TMCC1: variants seen among roughly 807,000 people sequenced by gnomAD.
The protein encoded by TMCC1 is transmembrane and coiled-coil domain family 1, also known as transmembrane and coiled-coil domains protein 1.
In TMCC1, 15 loss-of-function variants were observed where a neutral mutation model predicts 52.4. The observed-to-expected ratio is 0.29, with a 90% CI of 0.19 to 0.44. TMCC1 has a LOEUF of 0.44. Among genes scored for constraint, TMCC1 ranks in the 20% least tolerant of loss-of-function variants. The pLI is 1.00. For missense variants in TMCC1, 503 were observed against 806.0 expected (o/e 0.62, Z 4.55); for synonymous variants, 279 against 301.9 (o/e 0.92, Z 0.79).
At position 129,851,606 on chromosome 3, in the gene TMCC1, G is replaced by A. The variant is rs73206269; in HGVS notation, c.-183-18780C>T. Among the ~76,000 whole-genome samples, 158 of 152,308 alleles carry A rather than the reference G, an allele frequency of 1.0e-3. 1 individual carries two copies. The highest frequency in any genetic ancestry group is 2.0e-3 in the Non-Finnish European group (138 of 68,022). Reference sequence around the variant, plus strand: ...GAAAGTTTAGTGTTGGTAATGATGTGCAGAAATTGGAATCTTTGTGCATTG... The same window carrying A: ...GAAAGTTTAGTGTTGGTAATGATGTACAGAAATTGGAATCTTTGTGCATTG... On this transcript the variant is annotated intron_variant, in intron 2 of 6. Transcript: ENST00000393238.
intron 1 of TMCC1, among the ~76,000 whole-genome samples, chr3:129,883,609 G>A (rs887757860): frequency 2.0e-5 from 3 of 152,220 alleles, no homozygotes; most frequent in African/African-American, 7.2e-5. Context: ...GCGAGACGCT[G>A]TCTCAAAAAC....
intron 5 of TMCC1, among the ~76,000 whole-genome samples, chr3:129,659,886 T>C (rs771399434): frequency 6.6e-6 from 1 of 152,134 alleles, no homozygotes; most frequent in Non-Finnish European, 1.5e-5. Flanking sequence ...TCATCCTCTA[T>C]AAAGAGGAAA....
At chr3:129,781,655 T>C (rs1227613594) in intron 4 of TMCC1, among the ~76,000 whole-genome samples, 2 of 152,050 alleles carry the variant, frequency 1.3e-5, no homozygotes, top group Non-Finnish European at 2.9e-5. Context: ...AAATAGAATA[T>C]GATGTCAAAG....
At chr3:129,807,163 T>C (rs1173889003) in intron 4 of TMCC1, among the ~76,000 whole-genome samples, 3 of 152,168 alleles carry the variant, frequency 2.0e-5, no homozygotes, top group Admixed American at 2.0e-4. Flanking sequence ...ACATTTGTAG[T>C]AATTCTTCTT....
At chr3:129,768,458 C>G (rs2054298262) in intron 4 of TMCC1, among the ~76,000 whole-genome samples, 4 of 152,148 alleles carry the variant, frequency 2.6e-5, no homozygotes, top group Admixed American at 2.6e-4. Context: ...ATTTAAGCAA[C>G]TAGATCTAAG....
At chr3:129,760,488 GTGTGTGTT>G (rs1368299547) in intron 4 of TMCC1, among the ~76,000 whole-genome samples, 16 of 144,646 alleles carry the variant, frequency 1.1e-4, no homozygotes, top group African/African-American at 1.5e-4. Context: ...GTGTGTGTGT[GTGTGTGTT>G]TTTGAGACAG....
At chr3:129,779,118 A>C (rs1362011708) in intron 4 of TMCC1, among the ~76,000 whole-genome samples, 1 of 152,136 alleles carries the variant, frequency 6.6e-6, no homozygotes, top group Non-Finnish European at 1.5e-5. Context: ...TACAGTATAC[A>C]GAGACTTCCT....
chr3:129,724,240 G>C (rs546633936), intron 4 of TMCC1, among the ~76,000 whole-genome samples: 1 of 152,286 alleles, frequency 6.6e-6, no homozygotes, highest in East Asian at 1.9e-4. Context: ...TGTCACATGA[G>C]ATAATCTTCA....
intron 4 of TMCC1, among the ~76,000 whole-genome samples, chr3:129,681,033 T>C (rs2088929829): frequency 6.6e-6 from 1 of 152,154 alleles, no homozygotes; most frequent in Non-Finnish European, 1.5e-5. Flanking sequence ...GATATGATGA[T>C]GGTAGTGATA....
At chr3:129,847,228 G>A (rs1050213686) in intron 2 of TMCC1, 1 of 152,148 alleles carries the variant, frequency 6.6e-6, no homozygotes, top group Non-Finnish European at 1.5e-5. Context: ...ATGTGACTAC[G>A]GAATAAGAGT....
intron 4 of TMCC1, among the ~76,000 whole-genome samples, chr3:129,770,429 T>C (rs535292076): frequency 2.6e-5 from 4 of 152,158 alleles, no homozygotes; most frequent in East Asian, 1.9e-4. Flanking sequence ...GATAGGAAGA[T>C]TGCTTGAGCC....
intron 2 of TMCC1, chr3:129,866,957 T>C (rs2060678120): frequency 6.6e-6 from 1 of 152,306 alleles, no homozygotes; most frequent in South Asian, 2.1e-4. Flanking sequence ...ATCAACAATA[T>C]TTTTATAAAT....
In TMCC1 at chr3:129,651,912, G is replaced by C. The variant is rs2310918; in HGVS notation, c.1648-117C>G. 1 of 886,312 alleles carries C rather than the reference G, an allele frequency of 1.1e-6. No homozygotes were observed. The highest frequency in any genetic ancestry group is 2.1e-5 in the African/African-American group (1 of 48,556). The allele number at this position is 886,312 out of a possible 1,614,324, so 54.9% of individuals were successfully genotyped here. Reference sequence around the variant, plus strand: ...GCAATGCCAATGATTTTATAAATATGCTGGAGCCTTGAATGAATGTAAAAG... The same window carrying C: ...GCAATGCCAATGATTTTATAAATATCCTGGAGCCTTGAATGAATGTAAAAG... On this transcript the variant is annotated intron_variant, in intron 6 of 6. Coordinates refer to ENST00000393238, the MANE Select transcript of TMCC1 (RefSeq NM_001017395.5). The surrounding 1 kb of genome is among the most constrained non-coding windows in gnomAD (Gnocchi z 5.1).
intron 4 of TMCC1, among the ~76,000 whole-genome samples, chr3:129,758,967 G>C (rs11713470): frequency 6.6e-5 from 10 of 152,248 alleles, no homozygotes; most frequent in Non-Finnish European, 1.3e-4. Flanking sequence ...CTATATTGCA[G>C]TATGTATGTA....
intron 4 of TMCC1, among the ~76,000 whole-genome samples, chr3:129,690,998 G>C (rs2046992343): frequency 6.6e-6 from 1 of 152,178 alleles, no homozygotes; most frequent in African/African-American, 2.4e-5. Flanking sequence ...CTAAGTGGCA[G>C]TAGGACTTTA....
chr3:129,850,528 A>G (rs554414085), intron 2 of TMCC1, among the ~76,000 whole-genome samples: 5 of 152,200 alleles, frequency 3.3e-5, no homozygotes, highest in Non-Finnish European at 7.3e-5. Flanking sequence ...TGAATTTACA[A>G]CCTGTTCAAC....
At chr3:129,800,807 C>T (rs2057139399) in intron 4 of TMCC1, among the ~76,000 whole-genome samples, 1 of 151,954 alleles carries the variant, frequency 6.6e-6, no homozygotes, top group African/African-American at 2.4e-5. Context: ...GCCTACTAAA[C>T]ATCAGACATG....
chr3:129,739,587 CTT>C (rs2051277289), intron 4 of TMCC1, among the ~76,000 whole-genome samples: 1 of 152,174 alleles, frequency 6.6e-6, no homozygotes, highest in African/African-American at 2.4e-5. Context: ...GGTAACCTGA[CTT>C]GATACTGGAA....
chr3:129,892,034 T>C (rs1410191163), intron 1 of TMCC1, among the ~76,000 whole-genome samples: 3 of 152,248 alleles, frequency 2.0e-5, no homozygotes, highest in Admixed American at 6.5e-5. Flanking sequence ...GTCAGCGGTC[T>C]GTGCTTCTGT....
Sources: gnomAD v4.1 joint callset for allele counts (sites outside exome capture counted in the v4.1 genomes callset) on GRCh38, gnomAD v4.1.1 for gene constraint, Gnocchi (gnomAD v3.1) non-coding constraint, MANE v1.5 for transcripts, NCBI Gene and HGNC (gene_info 2026-07-23, HGNC 2026-07-21) for gene names.